The following DHX37 variants were observed in gnomAD, a reference collection of about 807,000 sequenced individuals.
The protein encoded by DHX37 is probable ATP-dependent RNA helicase DHX37.
In DHX37, 52 loss-of-function variants were observed where a neutral mutation model predicts 134.3. The ratio of observed to expected loss-of-function variants is 0.39; its 90% CI spans 0.31 to 0.49. The LOEUF is 0.49. Ranked by LOEUF, DHX37 falls within the 20% of genes least tolerant of loss-of-function variation. The pLI is 0.93. For missense variants in DHX37, 1,344 were observed against 1,580.8 expected (o/e 0.85, Z 2.54); for synonymous variants, 634 against 670.7 (o/e 0.95, Z 0.85).
chr12:124,949,860 C>A lies in DHX37; in HGVS notation c.3290+126G>T, dbSNP rs1953938691. ...ACCGTGGCTCTGCAGAGCCTTCAGACCTGAGCACAGACTTCTGATGTTTTA... is the reference window on the plus strand; with the variant it reads ...ACCGTGGCTCTGCAGAGCCTTCAGAACTGAGCACAGACTTCTGATGTTTTA... On this transcript the variant is annotated intron_variant, in intron 25 of 26. Coordinates refer to ENST00000308736, the MANE Select transcript of DHX37 (RefSeq NM_032656.4). This position sits in a 1 kb window ranked among gnomAD's most constrained non-coding sequence, Gnocchi z 4.0. 5 of 1,120,616 alleles carry A rather than the reference C, an allele frequency of 4.5e-6. No homozygotes were observed. The South Asian group carries it at 7.6e-5, about 17-fold the overall frequency. The allele number at this position is 1,120,616 out of a possible 1,614,324, so 69.4% of individuals were successfully genotyped here. A position where few individuals can be genotyped will look rare whatever the true frequency, so the allele number is the denominator to read the frequency against.
chr12:124,957,181 CAA>C, intron 16 of DHX37, 46 bp from the exon 17 acceptor site: 5 of 1,452,824 alleles, frequency 3.4e-6, no homozygotes, highest in Non-Finnish European at 3.6e-6. Context: ...ATGCCAAGAA[CAA>C]GTCCGGTGCT....
At position 124,980,341 on chromosome 12, in the gene DHX37, T is replaced by G; in HGVS notation, c.738+149A>C. On this transcript the variant is annotated intron_variant, in intron 4 of 26. Coordinates refer to ENST00000308736, the MANE Select transcript of DHX37 (RefSeq NM_032656.4). This position sits in a 1 kb window ranked among gnomAD's most constrained non-coding sequence, Gnocchi z 5.3. ...TCGCGCACCAATCCCTGCCACAGCCTCAAGGGAGGCGCAGTCACTCTCCCC... is the reference window on the plus strand; with the variant it reads ...TCGCGCACCAATCCCTGCCACAGCCGCAAGGGAGGCGCAGTCACTCTCCCC... 1.1e-6 allele frequency: 1 copy of G among 950,686 alleles called. No individual in the cohort carries two copies. The highest frequency in any genetic ancestry group is 1.8e-5 in the South Asian group (1 of 55,268). 58.9% of individuals were successfully genotyped at this position (950,686 alleles called of 1,614,324 possible). A position where few individuals can be genotyped will look rare whatever the true frequency, so the allele number is the denominator to read the frequency against.
At chr12:124,960,088 C>T (rs982572565) in intron 16 of DHX37, among the ~76,000 whole-genome samples, 5 of 152,232 alleles carry the variant, frequency 3.3e-5, no homozygotes, top group African/African-American at 1.2e-4. Flanking sequence ...ACCCTGCTGC[C>T]TCTATTCCAG....
chr12:124,967,570 C>T (rs1471693581), intron 10 of DHX37, among the ~76,000 whole-genome samples: 1 of 152,214 alleles, frequency 6.6e-6, no homozygotes, highest in African/African-American at 2.4e-5. Context: ...GCCCAAGCTC[C>T]AGCCTCACCT....
At chr12:124,953,791 T>C in intron 20 of DHX37, 89 bp downstream of exon 20, 1 of 1,529,320 alleles carries the variant, frequency 6.5e-7, no homozygotes, top group Non-Finnish European at 8.8e-7. Flanking sequence ...TTTGCAAACG[T>C]GGACTCTATG....
chr12:124,956,644 C>G (rs368787856), intron 18 of DHX37, 47 bp downstream of exon 18: 4 of 1,494,382 alleles, frequency 2.7e-6, no homozygotes, highest in Non-Finnish European at 3.6e-6. Flanking sequence ...CCAGAGCCCC[C>G]GTCGGAACTG....
chr12:124,961,255 C>CACACACGCGT (rs1566332419), intron 15 of DHX37, among the ~76,000 whole-genome samples: 3 of 116,318 alleles, frequency 2.6e-5, no homozygotes, highest in African/African-American at 1.5e-4. Flanking sequence ...CGTGCACGCA[C>CACACACGCGT]GCACACACAT....
intron 15 of DHX37, 58 bp downstream of exon 15, chr12:124,964,336 C>T (rs1954333667): frequency 6.2e-7 from 1 of 1,601,960 alleles, no homozygotes; most frequent in Non-Finnish European, 8.5e-7. Flanking sequence ...TCCCTTGTTC[C>T]TCAGTGGCTA....
chr12:124,969,268 G>A (rs1310827045), intron 8 of DHX37, among the ~76,000 whole-genome samples: 1 of 152,160 alleles, frequency 6.6e-6, no homozygotes, highest in Non-Finnish European at 1.5e-5. Context: ...GATTGACTGA[G>A]TGTCTGTGCC....
rs144734087 is a variant in DHX37, at chr12:124,956,720, C to T, written c.2424G>A (p.Thr808=). The T allele has an allele frequency of 1.5e-5, 24 of 1,587,296 alleles. No homozygotes were observed. Among genetic ancestry groups the T allele is most frequent in the East Asian group, 2.3e-5 (1 of 43,936 alleles). Residue 808 remains threonine (T), a synonymous_variant, in exon 18 of 27, where the codon ACG becomes ACA. Coordinates refer to ENST00000308736, the MANE Select transcript of DHX37 (RefSeq NM_032656.4). ...PYAITIVASM[T]VRELFEELDR... ...CCAGCTCCTCAAACAGCTCCCGCAC[C>T]GTCATGCTGGCCACGATGGTGATGG... is the stretch of plus-strand genomic sequence containing the variant.
rs963646632 is a variant in DHX37 at position 124,947,201 on chromosome 12, C to T, written c.*601G>A. 6.6e-6 allele frequency: 1 copy of T among 152,362 alleles called. No individual in the cohort carries two copies. Among genetic ancestry groups the T allele is most frequent in the Non-Finnish European group, 1.5e-5 (1 of 68,126 alleles). 9.4% of individuals were successfully genotyped at this position (152,362 alleles called of 1,614,324 possible). A position where few individuals can be genotyped will look rare whatever the true frequency, so the allele number is the denominator to read the frequency against. ...CAACGTCAGCTCCGCTCCCTGCCGT[C>T]TGAGAGCTGACCACAGGCAGATGAG... On this transcript the variant is annotated 3_prime_UTR_variant, in exon 27 of 27. Transcript: ENST00000308736.
In DHX37 at chr12:124,977,329, G is replaced by T; in HGVS notation, c.887+13C>A. The T allele has an allele frequency of 6.5e-7, 1 of 1,531,550 alleles. No individual in the cohort carries two copies. The highest frequency in any genetic ancestry group is 8.8e-7 in the Non-Finnish European group (1 of 1,141,858). The allele number at this position is 1,531,550 out of a possible 1,614,324, so 94.9% of individuals were successfully genotyped here. A position where few individuals can be genotyped will look rare whatever the true frequency, so the allele number is the denominator to read the frequency against. Reference sequence around the variant, plus strand: ...CTGAGGGACCCAGAGAGAACCCTGTGTCCAGCCCCTACCTGCTGAAGCCTG... The same window carrying T: ...CTGAGGGACCCAGAGAGAACCCTGTTTCCAGCCCCTACCTGCTGAAGCCTG... On this transcript the variant is annotated intron_variant, in intron 5 of 26. Transcript: ENST00000308736.
At position 124,968,850 on chromosome 12, in the gene DHX37, A is replaced by G; in HGVS notation, c.1293+17T>C. On this transcript the variant is annotated intron_variant, in intron 9 of 26. Transcript: ENST00000308736. The stretch of plus-strand genomic sequence containing the variant: ...TGTGCCATCCAAGCTCACAGAGGAC[A>G]TGGGACCCTGTGTTACCTTGATGAC... The G allele has an allele frequency of 6.2e-7, 1 of 1,613,742 alleles. No homozygotes were observed. The highest frequency in any genetic ancestry group is 1.7e-5 in the Admixed American group (1 of 60,018).
rs114690825 is a variant in DHX37, at chr12:124,968,880, G to A, written c.1280C>T (p.Pro427Leu). The A allele has an allele frequency of 1.9e-5, 30 of 1,614,064 alleles. No homozygotes were observed. The highest frequency in any genetic ancestry group is 2.3e-5 in the Non-Finnish European group (27 of 1,180,030). ...ACCCTGTGTTACCTTGATGACCGGCGGCGGCTTGGCGAAGAGCCGTGGGTT... is the reference window on the plus strand; with the variant it reads ...ACCCTGTGTTACCTTGATGACCGGCAGCGGCTTGGCGAAGAGCCGTGGGTT... ...TQNPRLFAKP[P>L]PVIKVESRQF... The change falls in exon 9 of 27, where the codon CCG becomes CTG. Residue 427 changes from proline to leucine, a missense_variant. Pro to Leu is a moderately conservative substitution (Grantham distance 98). Transcript: ENST00000308736.
At chr12:124,965,640 T>G in intron 13 of DHX37, 28 bp downstream of exon 13, 3 of 1,578,016 alleles carry the variant, frequency 1.9e-6, no homozygotes, top group Non-Finnish European at 2.6e-6. Context: ...ATAATGAACA[T>G]GAGCAGGAAT....
At chr12:124,953,646 A>G in intron 20 of DHX37, 1 of 679,128 alleles carries the variant, frequency 1.5e-6, no homozygotes, top group Admixed American at 3.1e-5. Flanking sequence ...AAACCGAGCG[A>G]CGACCTGGTG....
chr12:124,979,630 T>C (rs904165784), intron 4 of DHX37, among the ~76,000 whole-genome samples: 11 of 152,182 alleles, frequency 7.2e-5, no homozygotes, highest in Admixed American at 5.9e-4. Flanking sequence ...CGGTATGTAT[T>C]GCTTAGGAAT....
chr12:124,972,545 G>T lies in DHX37; in HGVS notation c.1035C>A (p.Ile345=). 1 of 1,614,224 alleles carries T rather than the reference G, an allele frequency of 6.2e-7. No homozygotes were observed. Residue 345 remains isoleucine, a synonymous_variant, in exon 7 of 27, where the codon ATC becomes ATA. Transcript: ENST00000308736. ...GCAGCACACCATCCGTCATGAACTT[G>T]ATTCTGGTCTCCTCTGTCACGTTTC... is the stretch of plus-strand genomic sequence containing the variant. ...YEGNVTEETR[I]KFMTDGVLLK... is the part of the protein sequence containing the mutation.
At chr12:124,983,106 G>T (rs1031084479) in intron 2 of DHX37, among the ~76,000 whole-genome samples, 1 of 151,976 alleles carries the variant, frequency 6.6e-6, no homozygotes, top group Admixed American at 6.6e-5. Context: ...TGTACATATA[G>T]GTTTTATACA....
Sources: gnomAD v4.1 joint callset for allele counts (sites outside exome capture counted in the v4.1 genomes callset) on GRCh38, gnomAD v4.1.1 for gene constraint, Gnocchi (gnomAD v3.1) non-coding constraint, MANE v1.5 for transcripts, NCBI Gene and HGNC (gene_info 2026-07-23, HGNC 2026-07-21) for gene names.